KHDRBS2: variants seen among roughly 807,000 people sequenced by gnomAD.
KHDRBS2 encodes the protein KH domain-containing, RNA-binding, signal transduction-associated protein 2.
Under a neutral mutation model 44.3 loss-of-function variants are expected in KHDRBS2, and 26 were observed. That is an observed-to-expected ratio of 0.59 (90% CI 0.43 to 0.81). KHDRBS2 has a LOEUF of 0.81. KHDRBS2 is among the 40% of genes least tolerant of loss of function. KHDRBS2 has a pLI of 0.00. For missense variants in KHDRBS2, 476 were observed against 433.1 expected (o/e 1.10, Z -0.88); for synonymous variants, 194 against 151.1 (o/e 1.28, Z -2.08).
At chr6:61,645,080 G>GA in the KHDRBS2 span, among the ~76,000 whole-genome samples, 1 of 151,956 alleles carries the variant, frequency 6.6e-6, no homozygotes, top group African/African-American at 2.4e-5. Context: ...GCCCATCAAT[G>GA]AAAAATTGAA....
At chr6:62,151,531 C>G (rs746994619) in intron 2 of KHDRBS2, among the ~76,000 whole-genome samples, 4 of 151,986 alleles carry the variant, frequency 2.6e-5, no homozygotes, top group Non-Finnish European at 5.9e-5. Flanking sequence ...TCAAAAGTTA[C>G]CCAAAAAAAC....
chr6:62,198,604 A>G (rs1261693506), intron 1 of KHDRBS2, among the ~76,000 whole-genome samples: 1 of 152,172 alleles, frequency 6.6e-6, no homozygotes, highest in Non-Finnish European at 1.5e-5. Flanking sequence ...ATACCTTACC[A>G]ACCAAAAAAA....
chr6:62,207,524 A>G (rs773536456), intron 1 of KHDRBS2, among the ~76,000 whole-genome samples: 1 of 152,134 alleles, frequency 6.6e-6, no homozygotes, highest in Non-Finnish European at 1.5e-5. Context: ...CAAACTGCCT[A>G]AAGCCAAAGT....
At chr6:62,169,352 A>G (rs1819544982) in intron 2 of KHDRBS2, among the ~76,000 whole-genome samples, 1 of 151,762 alleles carries the variant, frequency 6.6e-6, no homozygotes, top group Non-Finnish European at 1.5e-5. Context: ...AATATGGAGG[A>G]ACATATTGAC....
chr6:61,806,001 C>T (rs1390278993), intron 6 of KHDRBS2, among the ~76,000 whole-genome samples: 1 of 152,096 alleles, frequency 6.6e-6, no homozygotes, highest in Admixed American at 6.6e-5. Flanking sequence ...GGATATGAAC[C>T]CAGGAAGATA....
At chr6:61,645,535 A>AAG in the KHDRBS2 span, among the ~76,000 whole-genome samples, 1 of 144,174 alleles carries the variant, frequency 6.9e-6, no homozygotes, top group Non-Finnish European at 1.6e-5. Flanking sequence ...AAAAAAAAAA[A>AAG]GGTATTTGAG....
intron 1 of KHDRBS2, among the ~76,000 whole-genome samples, chr6:62,274,172 G>C (rs1840543351): frequency 6.6e-6 from 1 of 152,020 alleles, no homozygotes; most frequent in Admixed American, 6.6e-5. Flanking sequence ...CTGACCTCGT[G>C]ATCTGCCCAC....
intron 6 of KHDRBS2, among the ~76,000 whole-genome samples, chr6:61,848,540 T>TATAC (rs1491248609): frequency 1.8e-5 from 1 of 54,674 alleles, no homozygotes; most frequent in African/African-American, 1.2e-4. Context: ...TACATATATA[T>TATAC]GTATATATAT....
At chr6:61,652,332 A>G in the KHDRBS2 span, 4 of 152,128 alleles carry the variant, frequency 2.6e-5, no homozygotes, top group Admixed American at 6.6e-5. Context: ...GGAGAAAAAA[A>G]GAAGATGAAA....
chr6:61,665,830 G>T, the KHDRBS2 span, among the ~76,000 whole-genome samples: 22 of 151,016 alleles, frequency 1.5e-4, no homozygotes, highest in Non-Finnish European at 2.2e-4. Context: ...CCATCATAAT[G>T]AATAGTTATC....
At chr6:62,110,657 A>G (rs1473241544) in intron 2 of KHDRBS2, among the ~76,000 whole-genome samples, 4 of 152,072 alleles carry the variant, frequency 2.6e-5, no homozygotes, top group Non-Finnish European at 5.9e-5. Flanking sequence ...GATTTTGAGG[A>G]TACACAAATT....
intron 1 of KHDRBS2, among the ~76,000 whole-genome samples, chr6:62,276,295 C>T (rs1355507071): frequency 3.3e-5 from 5 of 152,160 alleles, no homozygotes; most frequent in Non-Finnish European, 7.4e-5. Flanking sequence ...TCAAGCTATA[C>T]TGTCTTCTGT....
chr6:61,677,096 C>T (rs1005285681), downstream of KHDRBS2, among the ~76,000 whole-genome samples: 1 of 151,758 alleles, frequency 6.6e-6, no homozygotes, highest in Non-Finnish European at 1.5e-5. Context: ...CTGCGATAAC[C>T]CTGCCCTGAG....
chr6:61,746,421 T>A (rs189466079), intron 6 of KHDRBS2, among the ~76,000 whole-genome samples: 50 of 152,180 alleles, frequency 3.3e-4, no homozygotes, highest in African/African-American at 1.1e-3. Flanking sequence ...GGTTTTCTGT[T>A]CCTATGTTAG....
intron 8 of KHDRBS2, among the ~76,000 whole-genome samples, chr6:61,695,318 G>A (rs1396495161): frequency 6.6e-6 from 1 of 152,088 alleles, no homozygotes; most frequent in Non-Finnish European, 1.5e-5. Flanking sequence ...CTGAGGCAAG[G>A]TACTTAATGC....
chr6:62,253,008 C>T lies in KHDRBS2; in HGVS notation c.91+32850G>A, dbSNP rs1836793086. 3.3e-5 allele frequency among the ~76,000 whole-genome samples: 5 copies of T among 152,048 alleles called. No individual in the cohort carries two copies. In the South Asian group the frequency reaches 1.0e-3, roughly 31 times the overall value. On this transcript the variant is annotated intron_variant, in intron 1 of 8. Coordinates refer to ENST00000281156, the MANE Select transcript of KHDRBS2 (RefSeq NM_152688.4). ...TATATGAAGATATGATCAGTAATAG[C>T]CTCAGAGTGTAACACTGGGTGGCTT...
chr6:62,189,962 T>A (rs1359727614), intron 1 of KHDRBS2, among the ~76,000 whole-genome samples: 2 of 152,110 alleles, frequency 1.3e-5, no homozygotes, highest in Non-Finnish European at 1.5e-5. Context: ...GGGGTTGACA[T>A]GTAAATGTTT....
At chr6:61,860,482 T>G (rs993526991) in intron 6 of KHDRBS2, among the ~76,000 whole-genome samples, 21 of 152,248 alleles carry the variant, frequency 1.4e-4, no homozygotes, top group African/African-American at 4.6e-4. Context: ...TTTGTTTTTC[T>G]GTTCCTGCAT....
the KHDRBS2 span, among the ~76,000 whole-genome samples, chr6:61,653,896 G>T: frequency 2.1e-5 from 1 of 48,410 alleles, no homozygotes; most frequent in African/African-American, 5.2e-5. Flanking sequence ...CAGCAAGATC[G>T]CAATGTTTCA....
Sources: gnomAD v4.1 joint callset for allele counts (sites outside exome capture counted in the v4.1 genomes callset) on GRCh38, gnomAD v4.1.1 for gene constraint, MANE v1.5 for transcripts, NCBI Gene and HGNC (gene_info 2026-07-23, HGNC 2026-07-21) for gene names.